Variants in DNMBP observed in about 807,000 individuals in gnomAD.
DNMBP encodes dynamin-binding protein.
In DNMBP, 87 loss-of-function variants were observed where a neutral mutation model predicts 150.0. The observed-to-expected ratio is 0.58, with a 90% CI of 0.49 to 0.69. DNMBP has a LOEUF of 0.69. Among genes scored for constraint, DNMBP ranks in the 30% least tolerant of loss-of-function variants. DNMBP has a pLI of 0.00. For missense variants in DNMBP, 1,774 were observed against 1,949.0 expected, an observed-to-expected ratio of 0.91 and a Z score of 1.69; for synonymous variants, 711 against 750.4, an observed-to-expected ratio of 0.95 and a Z score of 0.86.
intron 4 of DNMBP, among the ~76,000 whole-genome samples, chr10:99,936,679 G>A (rs1377907677): frequency 6.6e-6 from 1 of 151,800 alleles, no homozygotes; most frequent in African/African-American, 2.4e-5. Flanking sequence ...CGTGCCTTTT[G>A]GATTCTTTAC....
intron 1 of DNMBP, among the ~76,000 whole-genome samples, chr10:100,007,511 A>G (rs994944150): frequency 6.6e-6 from 1 of 152,092 alleles, no homozygotes; most frequent in African/African-American, 2.4e-5. Context: ...ATAAACAAGT[A>G]AGGACCAAAA....
intron 4 of DNMBP, chr10:99,929,511 G>A (rs959315762): frequency 1.5e-5 from 9 of 597,080 alleles, no homozygotes; most frequent in East Asian, 2.8e-5. Context: ...TTCAGGGCCC[G>A]GGCTCCTTAA....
intron 10 of DNMBP, among the ~76,000 whole-genome samples, chr10:99,895,346 C>T (rs1370036531): frequency 1.3e-5 from 2 of 152,016 alleles, no homozygotes; most frequent in African/African-American, 4.8e-5. Context: ...AGACTAGTCT[C>T]GAACTCCTGA....
intron 2 of DNMBP, among the ~76,000 whole-genome samples, chr10:99,970,011 A>G (rs1019988108): frequency 6.6e-6 from 1 of 152,148 alleles, no homozygotes; most frequent in Non-Finnish European, 1.5e-5. Flanking sequence ...TCTGTCTCCC[A>G]TGATCCAGCT....
At chr10:99,928,209 G>A (rs2040104305) in intron 4 of DNMBP, 1 of 152,176 alleles carries the variant, frequency 6.6e-6, no homozygotes, top group African/African-American at 2.4e-5. Flanking sequence ...AGAAATTCAA[G>A]TTAAGTCAAG....
At chr10:99,979,958 T>C (rs538628524) in intron 1 of DNMBP, among the ~76,000 whole-genome samples, 136 of 152,302 alleles carry the variant, frequency 8.9e-4, no homozygotes, top group African/African-American at 3.1e-3. Context: ...TTAAACACTT[T>C]CCACACCTGG....
chr10:99,906,560 GCTTGCT>G (rs2039827735), intron 6 of DNMBP, among the ~76,000 whole-genome samples: 1 of 152,180 alleles, frequency 6.6e-6, no homozygotes, highest in Admixed American at 6.5e-5. Flanking sequence ...TCTCAGGCGT[GCTTGCT>G]CTTGCGTGCT....
intron 1 of DNMBP, among the ~76,000 whole-genome samples, chr10:99,978,879 G>T (rs1051846991): frequency 1.3e-5 from 2 of 151,484 alleles, no homozygotes; most frequent in Non-Finnish European, 2.9e-5. Context: ...CTGGCCAGCA[G>T]TTTTTTTTTA....
At chr10:99,968,840 C>T (rs2040646567) in intron 3 of DNMBP, among the ~76,000 whole-genome samples, 1 of 152,112 alleles carries the variant, frequency 6.6e-6, no homozygotes, top group Non-Finnish European at 1.5e-5. Context: ...TTGAATTTTG[C>T]TCTCATTATT....
intron 1 of DNMBP, among the ~76,000 whole-genome samples, chr10:99,980,942 G>C (rs191994083): frequency 1.7e-4 from 26 of 152,284 alleles, no homozygotes; most frequent in African/African-American, 6.3e-4. Flanking sequence ...GGCGAGAAGA[G>C]GAGATAGGGA....
chr10:99,972,006 A>T lies in DNMBP; in HGVS notation c.119T>A (p.Leu40His). 6.2e-7 allele frequency: 1 copy of T among 1,613,874 alleles called. No homozygotes were observed. The highest frequency in any genetic ancestry group is 2.2e-5 in the East Asian group (1 of 44,852). Residue 40 changes from leucine to histidine, a missense_variant, in exon 2 of 17, where the codon CTT (leucine) becomes CAT (histidine). By Grantham distance (99) the Leu-to-His change is moderately conservative. Transcript: ENST00000324109. ...EVLAVVDEFW[L>H]LGKKEDVTGQ... ...TGTAACATCCTCCTTCTTTCCTAGA[A>T]GCCAAAATTCATCCACCACTGCCAG...
chr10:99,877,369 G>A (rs1264884370), intron 16 of DNMBP, 33 bp from the exon 17 acceptor site: 1 of 1,564,880 alleles, frequency 6.4e-7, no homozygotes, highest in Non-Finnish European at 8.7e-7. Context: ...ATGGGAAATT[G>A]CTGGGAGCAA....
In DNMBP at chr10:99,935,340, A is replaced by G. The variant is rs374202053; in HGVS notation, c.2260+19874T>C. 1.7e-4 allele frequency among the ~76,000 whole-genome samples: 26 copies of G among 152,102 alleles called. No homozygotes were observed. In the South Asian group the frequency reaches 5.4e-3, roughly 32 times the overall value. On this transcript the variant is annotated intron_variant, in intron 4 of 16. Coordinates refer to ENST00000324109, the MANE Select transcript of DNMBP (RefSeq NM_015221.4). ...GTGGTACCTACCATTAAGGAACTGT[A>G]ACCTACTTGGGAATATAAGACAGAC...
intron 4 of DNMBP, among the ~76,000 whole-genome samples, chr10:99,953,152 T>C (rs1045132787): frequency 2.6e-5 from 4 of 152,326 alleles, no homozygotes; most frequent in South Asian, 2.1e-4. Flanking sequence ...AGGGAAATAA[T>C]TTGAATTTTC....
chr10:99,990,498 G>C (rs961942653), intron 1 of DNMBP, among the ~76,000 whole-genome samples: 1 of 151,190 alleles, frequency 6.6e-6, no homozygotes, highest in Non-Finnish European at 1.5e-5. Context: ...GTTGCAGTGA[G>C]CTGAGATACA....
At chr10:100,003,746 T>C (rs371163477) in intron 1 of DNMBP, among the ~76,000 whole-genome samples, 47 of 151,374 alleles carry the variant, frequency 3.1e-4, no homozygotes, top group African/African-American at 1.1e-3. Flanking sequence ...CTGGGTGTGG[T>C]GGCTGCAGTG....
intron 4 of DNMBP, among the ~76,000 whole-genome samples, chr10:99,935,087 C>CACACAA (rs2040211899): frequency 2.1e-5 from 1 of 48,540 alleles, no homozygotes; most frequent in African/African-American, 7.2e-5. Flanking sequence ...CCTGTCTCCA[C>CACACAA]AAAAAAAAAA....
intron 2 of DNMBP, among the ~76,000 whole-genome samples, chr10:99,971,105 G>T (rs917305062): frequency 2.0e-5 from 3 of 151,974 alleles, no homozygotes; most frequent in African/African-American, 7.3e-5. Flanking sequence ...AGGGAAAGCG[G>T]GTGAAAGACA....
At chr10:99,992,398 TTC>T (rs2040905145) in intron 1 of DNMBP, among the ~76,000 whole-genome samples, 1 of 151,856 alleles carries the variant, frequency 6.6e-6, no homozygotes, top group Non-Finnish European at 1.5e-5. Flanking sequence ...AGCAAGTTAA[TTC>T]TCTGTGTCTT....
Sources: allele counts gnomAD v4.1 joint callset (sites outside exome capture counted in the v4.1 genomes callset), GRCh38; gene constraint gnomAD v4.1.1; transcripts MANE v1.5; gene names NCBI Gene and HGNC (gene_info 2026-07-23, HGNC 2026-07-21).